The following PEDS1 variants were observed in gnomAD, a reference collection of about 807,000 sequenced individuals.
PEDS1 encodes CarF homolog.
Under a neutral mutation model 35.2 loss-of-function variants are expected in PEDS1, and 14 were observed. That is an observed-to-expected ratio of 0.40 (90% CI 0.26 to 0.62). PEDS1 has a LOEUF of 0.62. PEDS1 is among the 20% of genes least tolerant of loss of function. PEDS1 has a pLI of 0.44. For missense variants in PEDS1, 260 were observed against 367.8 expected, an observed-to-expected ratio of 0.71 and a Z score of 2.40; for synonymous variants, 152 against 152.0, an observed-to-expected ratio of 1.00 and a Z score of 0.00.
intron 5 of PEDS1, among the ~76,000 whole-genome samples, chr20:50,126,002 C>T (rs1019156763): frequency 3.3e-5 from 5 of 152,152 alleles, no homozygotes; most frequent in East Asian, 1.9e-4. Flanking sequence ...TGGGATTACA[C>T]GCGTGAACCA....
At position 50,128,277 on chromosome 20, in the gene PEDS1, G is replaced by T; in HGVS notation, c.479-90C>A. 2 of 1,492,008 alleles carry T rather than the reference G, an allele frequency of 1.3e-6. No individual in the cohort carries two copies. The highest frequency in any genetic ancestry group is 1.2e-5 in the South Asian group (1 of 80,754). The allele number at this position is 1,492,008 out of a possible 1,614,324, so 92.4% of individuals were successfully genotyped here. ...GGCCCTCACCACCTGCTCCTGGGCGGCTCCTGAGCTGGGCAAGCACCCAGG... is the reference window on the plus strand; with the variant it reads ...GGCCCTCACCACCTGCTCCTGGGCGTCTCCTGAGCTGGGCAAGCACCCAGG... On this transcript the variant is annotated intron_variant, in intron 4 of 5. Transcript: ENST00000371652. This position sits in a 1 kb window ranked among gnomAD's most constrained non-coding sequence, Gnocchi z 5.2.
In PEDS1 at chr20:50,143,605, C is replaced by A; in HGVS notation, c.138G>T (p.Glu46Asp). The part of the protein sequence containing the change: ...ALYSPGKRLQ[E>D]WCSVILCFSL... ...TGAAGCACAGGATCACAGAGCACCA[C>A]TCCTGGAGGCGCTTGCCTGCAGGGA... Residue 46 changes from glutamate to aspartate, a missense_variant, in exon 2 of 6, where the codon GAG (glutamate) becomes GAT (aspartate). Physicochemically the swap from Glu to Asp is conservative, Grantham distance 45. Coordinates refer to ENST00000371652, the MANE Select transcript of PEDS1 (RefSeq NM_199129.4). 1 of 1,614,088 alleles carries A rather than the reference C, an allele frequency of 6.2e-7. No individual in the cohort carries two copies. Among genetic ancestry groups the A allele is most frequent in the Non-Finnish European group, 8.5e-7 (1 of 1,179,998 alleles).
At chr20:50,148,061 G>C (rs1412850689) in intron 1 of PEDS1, among the ~76,000 whole-genome samples, 2 of 152,220 alleles carry the variant, frequency 1.3e-5, no homozygotes, top group Admixed American at 6.5e-5. Flanking sequence ...CTGTACTCCA[G>C]CCTGGGCGAC....
chr20:50,145,076 C>G (rs1014625935), intron 1 of PEDS1, among the ~76,000 whole-genome samples: 1 of 151,484 alleles, frequency 6.6e-6, no homozygotes, highest in Non-Finnish European at 1.5e-5. Context: ...GTGGCGGGTA[C>G]CTGTAATCCC....
rs2081034161 is a variant in PEDS1, at chr20:50,119,542, C to T, written c.*5516G>A. On this transcript the variant is annotated 3_prime_UTR_variant, in exon 6 of 6. Coordinates refer to ENST00000371652, the MANE Select transcript of PEDS1 (RefSeq NM_199129.4). ...GTGAACATTAATGATAACACTATCT[C>T]CAAAATATATTAAGTGAAAAAAGGC... is the stretch of plus-strand genomic sequence containing the variant. 1 of 151,898 alleles carries T rather than the reference C, an allele frequency of 6.6e-6. No individual in the cohort carries two copies. The highest frequency in any genetic ancestry group is 2.1e-4 in the South Asian group (1 of 4,808). 9.4% of individuals were successfully genotyped at this position (151,898 alleles called of 1,614,324 possible).
intron 2 of PEDS1, among the ~76,000 whole-genome samples, chr20:50,134,258 GTGCAGAGC>G (rs1462339556): frequency 6.6e-6 from 1 of 152,264 alleles, no homozygotes; most frequent in Non-Finnish European, 1.5e-5. Flanking sequence ...CTGGAGCACA[GTGCAGAGC>G]TGCAGAGCTG....
rs772458484 is a variant in PEDS1 at position 50,125,152 on chromosome 20, A to C, written c.719T>G (p.Ile240Arg). Residue 240 changes from isoleucine (I) to arginine (R), a missense_variant, in exon 6 of 6, where the codon ATA becomes AGA. Ile to Arg is a moderately conservative substitution (Grantham distance 97). This residue lies in a region of PEDS1 where 83 missense variants were observed against 142.8 expected (regional missense o/e 0.58). Transcript: ENST00000371652. ...TGWLNYPLEK[I>R]GFWRRLEDLI... ...GTCCTCCAGGCGTCGCCAGAAGCCT[A>C]TCTTCTCCAGAGGGTAGTTGAGCCA... The C allele has an allele frequency of 6.2e-7, 1 of 1,614,038 alleles. No homozygotes were observed. The highest frequency in any genetic ancestry group is 8.5e-7 in the Non-Finnish European group (1 of 1,180,000).
chr20:50,140,293 G>A (rs574922795), intron 2 of PEDS1, among the ~76,000 whole-genome samples: 1 of 152,334 alleles, frequency 6.6e-6, no homozygotes, highest in South Asian at 2.1e-4. Flanking sequence ...ACCATGGCAG[G>A]CGCCTCCTCC....
At chr20:50,125,361 C>T (rs1015138865) in intron 5 of PEDS1, among the ~76,000 whole-genome samples, 182 bp from the exon 6 acceptor site, 5 of 152,224 alleles carry the variant, frequency 3.3e-5, no homozygotes, top group East Asian at 1.9e-4. Context: ...TGGGGCCACT[C>T]AGGCCTCCAA....
At position 50,129,546 on chromosome 20, in the gene PEDS1, C is replaced by T; in HGVS notation, c.478G>A (p.Glu160Lys). The change falls in exon 4 of 6, where the codon GAA becomes AAA. Residue 160 changes from glutamate to lysine, a missense_variant and splice_region_variant. Coordinates refer to ENST00000371652, the MANE Select transcript of PEDS1 (RefSeq NM_199129.4). This position sits in a 1 kb window ranked among gnomAD's most constrained non-coding sequence, Gnocchi z 4.2. ...MAYKFRTHSP[E>K]ALEQLYPWEC... is the part of the protein sequence containing the mutation. The stretch of plus-strand genomic sequence containing the variant: ...GCCCACCACTAGCTGGGTGTCTCAC[C>T]AGGGCTGTGGGTGCGGAACTTGTAG... 1 of 1,614,146 alleles carries T rather than the reference C, an allele frequency of 6.2e-7. No individual in the cohort carries two copies. The highest frequency in any genetic ancestry group is 2.2e-5 in the East Asian group (1 of 44,890).
chr20:50,122,080 T>A lies in PEDS1; in HGVS notation c.*2978A>T, dbSNP rs984415386. On this transcript the variant is annotated 3_prime_UTR_variant, in exon 6 of 6. Coordinates refer to ENST00000371652, the MANE Select transcript of PEDS1 (RefSeq NM_199129.4). ...GACCAATGAGAGCCTGCCCTGGGACTTCCACTGCAACTACTGGGAATGCAC... is the reference window on the plus strand; with the variant it reads ...GACCAATGAGAGCCTGCCCTGGGACATCCACTGCAACTACTGGGAATGCAC... The A allele has an allele frequency of 1.3e-5, 2 of 152,238 alleles. No individual in the cohort carries two copies. The highest frequency in any genetic ancestry group is 1.3e-4 in the Admixed American group (2 of 15,278). 9.4% of individuals were successfully genotyped at this position (152,238 alleles called of 1,614,324 possible).
Position 50,125,106 on chromosome 20 carries a change from G to A in PEDS1, c.765C>T (p.Gly255=), listed in dbSNP as rs1407353871. ...TCATGTCATCTGCCCGAGGCTTCTCGCCCGTCAGGCCCTGGATGAGGTCCT... is the reference window on the plus strand; with the variant it reads ...TCATGTCATCTGCCCGAGGCTTCTCACCCGTCAGGCCCTGGATGAGGTCCT... ...RLEDLIQGLT[G]EKPRADDMKW... is the part of the protein sequence containing the mutation. Residue 255 remains glycine, a synonymous_variant, in exon 6 of 6, where the codon GGC becomes GGT. Coordinates refer to ENST00000371652, the MANE Select transcript of PEDS1 (RefSeq NM_199129.4). 1.1e-5 allele frequency: 17 copies of A among 1,614,034 alleles called. No individual in the cohort carries two copies. Among genetic ancestry groups the A allele is most frequent in the African/African-American group, 2.7e-5 (2 of 74,918 alleles).
chr20:50,153,478 T>C, intron 1 of PEDS1, 39 bp downstream of exon 1: 3 of 1,307,318 alleles, frequency 2.3e-6, no homozygotes, highest in Non-Finnish European at 2.9e-6. Context: ...CAGCCGGGGC[T>C]GGTGACCGCA....
rs1476346787 is a variant in PEDS1, at chr20:50,153,571, G to A, written c.67C>T (p.Arg23Cys). Residue 23 changes from arginine to cysteine, a missense_variant, in exon 1 of 6, where the codon CGC becomes TGC. Physicochemically the swap from Arg to Cys is radical, Grantham distance 180. This residue lies in a region of PEDS1 where 114 missense variants were observed against 121.6 expected (regional missense o/e 0.94). Coordinates refer to ENST00000371652, the MANE Select transcript of PEDS1 (RefSeq NM_199129.4). ...GCCCCGGCGTGCTGCGCGCCCCAGC[G>A]GCAACAAGACGCCTCGTCCTCGTCC... ...ELDEDEASCC[R>C]WGAQHAGARE... 3 of 1,435,354 alleles carry A rather than the reference G, an allele frequency of 2.1e-6. No individual in the cohort carries two copies. The highest frequency in any genetic ancestry group is 2.8e-6 in the Non-Finnish European group (3 of 1,088,498). 88.9% of individuals were successfully genotyped at this position (1,435,354 alleles called of 1,614,324 possible). A position where few individuals can be genotyped will look rare whatever the true frequency, so the allele number is the denominator to read the frequency against.
intron 2 of PEDS1, among the ~76,000 whole-genome samples, chr20:50,133,492 A>G (rs1207675945): frequency 6.6e-6 from 1 of 152,120 alleles, no homozygotes; most frequent in East Asian, 1.9e-4. Flanking sequence ...GAGCCTGTGC[A>G]CCCAGTGGCC....
At chr20:50,126,366 A>C (rs1050999896) in intron 5 of PEDS1, among the ~76,000 whole-genome samples, 1 of 152,190 alleles carries the variant, frequency 6.6e-6, no homozygotes, top group Non-Finnish European at 1.5e-5. Flanking sequence ...AGCCCTGCCT[A>C]AGTAGTTAAC....
rs1880443808 is a variant in PEDS1, at chr20:50,124,551, G to C, written c.*507C>G. The C allele has an allele frequency of 6.4e-6, 1 of 155,328 alleles. No individual in the cohort carries two copies. Among genetic ancestry groups the C allele is most frequent in the Non-Finnish European group, 1.4e-5 (1 of 69,886 alleles). 9.6% of individuals were successfully genotyped at this position (155,328 alleles called of 1,614,324 possible). On this transcript the variant is annotated 3_prime_UTR_variant, in exon 6 of 6. Coordinates refer to ENST00000371652, the MANE Select transcript of PEDS1 (RefSeq NM_199129.4). ...CCCTGCTGAGCTTCACCATCCTTGG[G>C]GGACAGGCTAGGCTGAAGGTGGTGG...
Position 50,129,769 on chromosome 20 carries a change from C to A in PEDS1, c.334-79G>T. 1 of 1,567,296 alleles carries A rather than the reference C, an allele frequency of 6.4e-7. No homozygotes were observed. The highest frequency in any genetic ancestry group is 8.6e-7 in the Non-Finnish European group (1 of 1,157,180). On this transcript the variant is annotated intron_variant, in intron 3 of 5. Coordinates refer to ENST00000371652, the MANE Select transcript of PEDS1 (RefSeq NM_199129.4). The surrounding 1 kb of genome is among the most constrained non-coding windows in gnomAD (Gnocchi z 4.2). ...CTCCACAGCCCCCTAAACACATTCACCCTGGGCTCACCTCCCGCCTTTGAT... is the reference window on the plus strand; with the variant it reads ...CTCCACAGCCCCCTAAACACATTCAACCTGGGCTCACCTCCCGCCTTTGAT...
At chr20:50,147,047 C>G (rs946830961) in intron 1 of PEDS1, among the ~76,000 whole-genome samples, 1 of 152,152 alleles carries the variant, frequency 6.6e-6, no homozygotes, top group Non-Finnish European at 1.5e-5. Context: ...CCTTCCCGAT[C>G]GACCTGCCTG....
Sources: allele counts gnomAD v4.1 joint callset (sites outside exome capture counted in the v4.1 genomes callset), GRCh38; gene constraint gnomAD v4.1.1; regional missense constraint gnomAD v4.1.1; non-coding constraint Gnocchi (gnomAD v3.1); transcripts MANE v1.5; gene names NCBI Gene and HGNC (gene_info 2026-07-23, HGNC 2026-07-21).